The following MYCBPAP variants were observed in gnomAD, a reference collection of about 807,000 sequenced individuals.
The protein encoded by MYCBPAP is MYCBP associated protein, also known as MYCBP-associated protein.
MYCBPAP carries 60 observed loss-of-function variants against 106.1 expected under a neutral mutation model. The ratio of observed to expected loss-of-function variants is 0.57; its 90% confidence interval spans 0.46 to 0.70. The LOEUF is 0.70. MYCBPAP is among the 30% of genes least tolerant of loss of function. The pLI is 0.00. For synonymous variants in MYCBPAP, 407 were observed against 440.6 expected, an observed-to-expected ratio of 0.92 and a Z score of 0.95; for missense variants, 1,064 against 1,169.3, an observed-to-expected ratio of 0.91 and a Z score of 1.31.
At chr17:50,521,598 C>CT (rs2034264413) in intron 9 of MYCBPAP, among the ~76,000 whole-genome samples, 167 bp downstream of exon 9, 1 of 152,208 alleles carries the variant, frequency 6.6e-6, no homozygotes, top group African/African-American at 2.4e-5. Flanking sequence ...GCTGGCTTTC[C>CT]TATTGCCATC....
Position 50,519,014 on chromosome 17 carries a change from C to T in MYCBPAP, c.693C>T (p.Thr231=), listed in dbSNP as rs149510661. Reference sequence around the variant, plus strand: ...CAGTGAGTGAGCTGCTCATGCACACCGGGGAGACCTACAGACGGATCCAGG... The same window carrying T: ...CAGTGAGTGAGCTGCTCATGCACACTGGGGAGACCTACAGACGGATCCAGG... ...KKPVSELLMH[T]GETYRRIQEE... is the part of the protein sequence containing the mutation. Residue 231 remains threonine, a synonymous_variant, in exon 6 of 19, where the codon ACC becomes ACT. Transcript: ENST00000323776. The T allele has an allele frequency of 4.6e-4, 735 of 1,613,998 alleles. 5 individuals are homozygous for T. In the African/African-American group the frequency reaches 7.9e-3, roughly 17 times the overall value.
rs1290736421 is a variant in MYCBPAP, at chr17:50,508,702, C to T, written c.28C>T (p.Leu10Phe). ...GAAGTCTCTAAAGAAGGATTCCCGC[C>T]TCAGAATAACTCCGACCAGATTATT... MKSLKKDSRLRITPTRLLEA... is the reference protein window; with the variant it reads MKSLKKDSRFRITPTRLLEA... Residue 10 changes from leucine to phenylalanine, a missense_variant, in exon 1 of 19, where the codon CTC becomes TTC. Leu to Phe is a conservative substitution (Grantham distance 22, BLOSUM62 0). Coordinates refer to ENST00000323776, the MANE Select transcript of MYCBPAP (RefSeq NM_032133.6). The T allele has an allele frequency of 1.2e-6, 2 of 1,611,558 alleles. No homozygotes were observed. The highest frequency in any genetic ancestry group is 1.7e-6 in the Non-Finnish European group (2 of 1,178,854).
intron 5 of MYCBPAP, 104 bp downstream of exon 5, chr17:50,518,828 G>C (rs998781661): frequency 5.4e-6 from 8 of 1,490,804 alleles, no homozygotes; most frequent in African/African-American, 2.8e-5. Context: ...GACCACATTT[G>C]TGCTTTCACT....
chr17:50,509,869 G>A (rs906012837), intron 1 of MYCBPAP: 1 of 152,242 alleles, frequency 6.6e-6, no homozygotes, highest in African/African-American at 2.4e-5. Context: ...TCGGGCTTAA[G>A]GGGGCTCAGA....
chr17:50,521,578 C>T, intron 9 of MYCBPAP, 147 bp downstream of exon 9: 1 of 642,892 alleles, frequency 1.6e-6, no homozygotes, highest in South Asian at 1.9e-5. Context: ...GAACCCATTC[C>T]AGCACCTGTG....
intron 14 of MYCBPAP, 86 bp from the exon 15 acceptor site, chr17:50,527,201 G>A (rs1251794248): frequency 1.3e-6 from 2 of 1,567,134 alleles, no homozygotes; most frequent in East Asian, 4.5e-5. Flanking sequence ...CTGGTCCCCT[G>A]CCACCCATCC....
chr17:50,530,734 T>C (rs2034609537), intron 18 of MYCBPAP, among the ~76,000 whole-genome samples: 1 of 152,008 alleles, frequency 6.6e-6, no homozygotes, highest in African/African-American at 2.4e-5. Flanking sequence ...GAAGGAAAAT[T>C]GGCCTCCAGG....
At chr17:50,524,629 C>T (rs1183374683) in intron 12 of MYCBPAP, among the ~76,000 whole-genome samples, 1 of 152,086 alleles carries the variant, frequency 6.6e-6, no homozygotes, top group Non-Finnish European at 1.5e-5. Flanking sequence ...CTGGAACTGG[C>T]CCTCCTCTGG....
At chr17:50,528,994 A>C in intron 17 of MYCBPAP, 24 bp from the exon 18 acceptor site, 1 of 1,610,284 alleles carries the variant, frequency 6.2e-7, no homozygotes, top group Non-Finnish European at 8.5e-7. Flanking sequence ...CCTGAAGGCT[A>C]TGTGTGTCTC....
chr17:50,508,743 T>G lies in MYCBPAP; in HGVS notation c.69T>G (p.Asn23Lys). ...TPTRLLEASE[N>K]VKEKKRAKGP... Reference sequence around the variant, plus strand: ...CCAGATTATTAGAGGCCTCAGAGAATGTCAAAGGTTGGCGCTGGCTGCCTT... The same window carrying G: ...CCAGATTATTAGAGGCCTCAGAGAAGGTCAAAGGTTGGCGCTGGCTGCCTT... Residue 23 changes from asparagine to lysine, a missense_variant, in exon 1 of 19, where the codon AAT becomes AAG. Physicochemically the swap from Asn to Lys is moderately conservative, Grantham distance 94 (BLOSUM62 0). Transcript: ENST00000323776. The G allele has an allele frequency of 6.2e-7, 1 of 1,609,662 alleles. No individual in the cohort carries two copies. The highest frequency in any genetic ancestry group is 8.5e-7 in the Non-Finnish European group (1 of 1,177,732).
chr17:50,522,160 G>T lies in MYCBPAP; in HGVS notation c.1257+79G>T. ...CTGAGGTGACTGGCAGTTACCAGCA[G>T]CCTGCACAGTCTCCTGTTTGGGTTT... On this transcript the variant is annotated intron_variant, in intron 10 of 18. Transcript: ENST00000323776. 3 of 1,156,512 alleles carry T rather than the reference G, an allele frequency of 2.6e-6. No individual in the cohort carries two copies. The East Asian group carries it at 7.3e-5, about 28-fold the overall frequency. 71.6% of individuals were successfully genotyped at this position (1,156,512 alleles called of 1,614,324 possible).
rs769133549 is a variant in MYCBPAP at position 50,526,158 on chromosome 17, A to G, written c.2060A>G (p.Glu687Gly). The change falls in exon 14 of 19, where the codon GAG becomes GGG. Residue 687 changes from glutamate to glycine, a missense_variant. Coordinates refer to ENST00000323776, the MANE Select transcript of MYCBPAP (RefSeq NM_032133.6). Reference sequence around the variant, plus strand: ...AGTCCTCAGCGGAAGAGCATCATGGAGGAGATCCTGGTGGAGGAAAGCCCA... The same window carrying G: ...AGTCCTCAGCGGAAGAGCATCATGGGGGAGATCCTGGTGGAGGAAAGCCCA... ...TKSPQRKSIM[E>G]EILVEESPDV... 6.2e-7 allele frequency: 1 copy of G among 1,613,674 alleles called. No homozygotes were observed. The highest frequency in any genetic ancestry group is 8.5e-7 in the Non-Finnish European group (1 of 1,179,938).
At chr17:50,525,791 C>T (rs1597844281) in intron 13 of MYCBPAP, 90 bp from the exon 14 acceptor site, 2 of 1,454,934 alleles carry the variant, frequency 1.4e-6, no homozygotes, top group East Asian at 2.3e-5. Flanking sequence ...GTGCCTGGCC[C>T]TTGTACTATT....
At position 50,508,696 on chromosome 17, in the gene MYCBPAP, T is replaced by A; in HGVS notation, c.22T>A (p.Ser8Thr). 1 of 1,609,702 alleles carries A rather than the reference T, an allele frequency of 6.2e-7. No homozygotes were observed. Among genetic ancestry groups the A allele is most frequent in the Non-Finnish European group, 8.5e-7 (1 of 1,177,404 alleles). ...CACCATGAAGTCTCTAAAGAAGGAT[T>A]CCCGCCTCAGAATAACTCCGACCAG... MKSLKKD[S>T]RLRITPTRLL... Residue 8 changes from serine (S) to threonine (T), a missense_variant, in exon 1 of 19, where the codon TCC (serine) becomes ACC (threonine). Ser to Thr is a moderately conservative substitution (Grantham distance 58). Coordinates refer to ENST00000323776, the MANE Select transcript of MYCBPAP (RefSeq NM_032133.6).
At chr17:50,514,347 A>G (rs2033966403) in intron 1 of MYCBPAP, among the ~76,000 whole-genome samples, 1 of 152,220 alleles carries the variant, frequency 6.6e-6, no homozygotes, top group South Asian at 2.1e-4. Flanking sequence ...CGGTGCTGTA[A>G]GAAGCAGTGG....
chr17:50,520,874 T>G (rs1247095616), intron 7 of MYCBPAP: 16 of 495,256 alleles, frequency 3.2e-5, no homozygotes, highest in East Asian at 1.8e-4. Flanking sequence ...GCTGTTATTA[T>G]TTTTATTATA....
intron 6 of MYCBPAP, 139 bp from the exon 7 acceptor site, chr17:50,519,501 C>T: frequency 9.7e-7 from 1 of 1,032,658 alleles, no homozygotes; most frequent in Non-Finnish European, 1.4e-6. Flanking sequence ...GTGGATGCTT[C>T]TGTTATGCAA....
chr17:50,521,291 T>C (rs1335377156), intron 8 of MYCBPAP, 25 bp from the exon 9 acceptor site: 1 of 1,593,572 alleles, frequency 6.3e-7, no homozygotes, highest in Non-Finnish European at 8.6e-7. Flanking sequence ...AGTCAGCTCA[T>C]CTTACCTTTC....
intron 14 of MYCBPAP, 70 bp downstream of exon 14, chr17:50,526,337 C>A (rs965073760): frequency 2.6e-5 from 38 of 1,488,414 alleles, no homozygotes; most frequent in Non-Finnish European, 3.4e-5. Flanking sequence ...GAGGACCCAG[C>A]AGCCCCTCTT....
Sources: gnomAD v4.1 joint callset for allele counts (sites outside exome capture counted in the v4.1 genomes callset) on GRCh38, gnomAD v4.1.1 for gene constraint, MANE v1.5 for transcripts, NCBI Gene and HGNC (gene_info 2026-07-23, HGNC 2026-07-21) for gene names.